CDK14: variants seen among roughly 807,000 people sequenced by gnomAD.
CDK14 encodes cyclin-dependent kinase 14.
A neutral mutation model predicts 60.7 loss-of-function variants in CDK14; 34 were observed. The observed-to-expected ratio is 0.56, with a 90% CI of 0.43 to 0.75. CDK14 has a LOEUF of 0.75. Among genes scored for constraint, CDK14 ranks in the 30% least tolerant of loss-of-function variants. The pLI, the probability that CDK14 is intolerant of heterozygous loss-of-function variation, is 0.00. For synonymous variants in CDK14, 197 were observed against 203.7 expected (o/e 0.97, Z 0.28); for missense variants, 482 against 564.1 (o/e 0.85, Z 1.47).
At chr7:90,610,385 T>C (rs1349400937) in intron 2 of CDK14, among the ~76,000 whole-genome samples, 2 of 152,210 alleles carry the variant, frequency 1.3e-5, no homozygotes, top group Non-Finnish European at 2.9e-5. Flanking sequence ...GTGGACCATC[T>C]TGCATTTGTG....
rs767512259 is a variant in CDK14 at position 90,726,617 on chromosome 7, G to A, written c.174G>A (p.Val58=). The A allele has an allele frequency of 2.5e-6, 4 of 1,613,510 alleles. No individual in the cohort carries two copies. Among genetic ancestry groups the A allele is most frequent in the Non-Finnish European group, 3.4e-6 (4 of 1,179,676 alleles). The change falls in exon 3 of 15, where the codon GTG becomes GTA. Residue 58 remains valine (V), a synonymous_variant. Transcript: ENST00000380050. ...STRNCQGMDS[V]IKPLDTIPED... is the part of the protein sequence containing the mutation. ...GGAACTGCCAGGGAATGGACTCAGT[G>A]ATCAAACCCCTGGACACAATTCCTG...
At chr7:90,870,012 T>A (rs951322862) in intron 6 of CDK14, among the ~76,000 whole-genome samples, 32 of 152,340 alleles carry the variant, frequency 2.1e-4, no homozygotes, top group African/African-American at 7.5e-4. Flanking sequence ...TTCAAGCCCA[T>A]GTTTTGACTG....
At chr7:90,602,231 A>G (rs1449356865) in intron 1 of CDK14, among the ~76,000 whole-genome samples, 1 of 152,182 alleles carries the variant, frequency 6.6e-6, no homozygotes, top group East Asian at 1.9e-4. Context: ...GTGAATTGTA[A>G]GTTTGCTGCT....
At chr7:90,711,884 G>GTTTTTTTT (rs71104485) in intron 2 of CDK14, among the ~76,000 whole-genome samples, 1 of 133,376 alleles carries the variant, frequency 7.5e-6, no homozygotes. Context: ...AGTCTACTAT[G>GTTTTTTTT]TTTTTTTTTT....
At chr7:91,116,295 A>G (rs1799608666) in intron 13 of CDK14, among the ~76,000 whole-genome samples, 1 of 152,238 alleles carries the variant, frequency 6.6e-6, no homozygotes, top group East Asian at 1.9e-4. Flanking sequence ...TCAGTGAAAG[A>G]AGGCCAACAA....
intron 2 of CDK14, among the ~76,000 whole-genome samples, chr7:90,723,541 A>C (rs1221053772): frequency 6.6e-6 from 1 of 152,192 alleles, no homozygotes; most frequent in African/African-American, 2.4e-5. Context: ...ACCAAAATAG[A>C]AGAAACATTG....
intron 2 of CDK14, among the ~76,000 whole-genome samples, chr7:90,657,500 G>C (rs557290803): frequency 6.6e-6 from 1 of 152,186 alleles, no homozygotes; most frequent in Non-Finnish European, 1.5e-5. Context: ...TGTTGGCAGA[G>C]ATGTTCTAGA....
Position 91,034,163 on chromosome 7 carries a change from T to A in CDK14, c.1042-11734T>A, listed in dbSNP as rs578247064. Among the ~76,000 whole-genome samples the A allele has an allele frequency of 2.8e-3, 427 of 152,220 alleles. 2 individuals are homozygous for A. The highest frequency in any genetic ancestry group is 0.015 in the South Asian group (74 of 4,818). On this transcript the variant is annotated intron_variant, in intron 10 of 14. Transcript: ENST00000380050. ...CTGTATACAGGCTGAAAACTTTTTTTAAAAAAATCTCTGAACTGTATAACT... is the reference window on the plus strand; with the variant it reads ...CTGTATACAGGCTGAAAACTTTTTTAAAAAAAATCTCTGAACTGTATAACT...
intron 2 of CDK14, among the ~76,000 whole-genome samples, chr7:90,711,040 ATTAAC>A (rs1235613222): frequency 6.6e-6 from 1 of 152,034 alleles, no homozygotes; most frequent in African/African-American, 2.4e-5. Context: ...GTATAGTTTA[ATTAAC>A]TTAGTACTTT....
intron 3 of CDK14, among the ~76,000 whole-genome samples, chr7:90,738,268 A>C (rs568435931): frequency 9.9e-4 from 151 of 152,318 alleles, no homozygotes; most frequent in Admixed American, 2.5e-3. Flanking sequence ...TCAAATGGGG[A>C]TAGTAATAGA....
chr7:91,194,127 C>T (rs1045378969), intron 14 of CDK14, among the ~76,000 whole-genome samples: 2 of 152,120 alleles, frequency 1.3e-5, no homozygotes, highest in African/African-American at 4.8e-5. Flanking sequence ...CCCTACAAAT[C>T]AACCTGGTAG....
chr7:91,128,960 A>G (rs1052091777), intron 14 of CDK14, among the ~76,000 whole-genome samples: 1 of 152,160 alleles, frequency 6.6e-6, no homozygotes, highest in South Asian at 2.1e-4. Context: ...GAACGTTTCC[A>G]CAACTCTGTG....
chr7:90,767,366 T>C (rs1804607787), intron 4 of CDK14, among the ~76,000 whole-genome samples: 1 of 152,216 alleles, frequency 6.6e-6, no homozygotes, highest in Non-Finnish European at 1.5e-5. Flanking sequence ...ATAATTCTCT[T>C]ATTTTCCCTC....
At chr7:90,673,477 G>A (rs1006860350) in intron 2 of CDK14, among the ~76,000 whole-genome samples, 4 of 136,712 alleles carry the variant, frequency 2.9e-5, no homozygotes, top group Admixed American at 7.3e-5. Context: ...CAGCCCACCC[G>A]GTGGCACAGT....
chr7:90,742,408 C>T (rs769619293), intron 3 of CDK14, among the ~76,000 whole-genome samples: 12 of 151,996 alleles, frequency 7.9e-5, no homozygotes, highest in East Asian at 1.9e-4. Context: ...CAAAAACATT[C>T]GTTCTTAAAC....
intron 9 of CDK14, among the ~76,000 whole-genome samples, chr7:90,980,100 A>G (rs1422868401): frequency 1.3e-5 from 2 of 152,108 alleles, no homozygotes; most frequent in Non-Finnish European, 2.9e-5. Flanking sequence ...TTGAATTGTG[A>G]TGAAAAAAAT....
chr7:91,123,316 A>G (rs1748403973), intron 14 of CDK14, among the ~76,000 whole-genome samples: 2 of 152,166 alleles, frequency 1.3e-5, no homozygotes, highest in South Asian at 4.2e-4. Context: ...GCATTATCCT[A>G]CAATTTTTTT....
At chr7:90,846,974 C>T (rs1790489900) in intron 5 of CDK14, among the ~76,000 whole-genome samples, 2 of 152,144 alleles carry the variant, frequency 1.3e-5, no homozygotes, top group Non-Finnish European at 2.9e-5. Context: ...CCTGATTGCT[C>T]ATTATTCTCT....
chr7:91,005,421 A>C (rs3779578), intron 10 of CDK14, among the ~76,000 whole-genome samples: 22,210 of 152,256 alleles, frequency 0.15, 1,837 homozygotes, highest in Middle Eastern at 0.27. Flanking sequence ...ACAAGGAGGC[A>C]ATGGAAGATA....
Sources: gnomAD v4.1 joint callset for allele counts (sites outside exome capture counted in the v4.1 genomes callset) on GRCh38, gnomAD v4.1.1 for gene constraint, MANE v1.5 for transcripts, NCBI Gene and HGNC (gene_info 2026-07-23, HGNC 2026-07-21) for gene names.